TENM1: variants seen among roughly 807,000 people sequenced by gnomAD.
TENM1 encodes the protein teneurin transmembrane protein 1, also known as teneurin-1.
In TENM1, 35 loss-of-function variants were observed where a neutral mutation model predicts 174.8. That is an observed-to-expected ratio of 0.20 (90% confidence interval 0.15 to 0.27). The LOEUF is 0.27. Ranked by LOEUF, TENM1 falls within the 10% of genes least tolerant of loss-of-function variation. TENM1 has a pLI of 1.00. For synonymous variants in TENM1, 781 were observed against 798.7 expected, an observed-to-expected ratio of 0.98 and a Z score of 0.37; for missense variants, 1,633 against 2,130.1, an observed-to-expected ratio of 0.77 and a Z score of 4.59.
At chrX:124,423,253 C>T (rs1289547272) in intron 23 of TENM1, among the ~76,000 whole-genome samples, 3 of 112,187 alleles carry the variant, frequency 2.7e-5, no homozygotes, top group Non-Finnish European at 5.6e-5. Context: ...AGGTACAGTT[C>T]GTCAGCTGTT....
intron 3 of TENM1, among the ~76,000 whole-genome samples, chrX:124,829,279 T>C (rs764253543): frequency 1.8e-5 from 2 of 112,501 alleles, no homozygotes; most frequent in South Asian, 7.3e-4. Context: ...GGAAATGGTT[T>C]TCTGCAAGAT....
At chrX:124,849,529 T>A (rs746069699) in intron 3 of TENM1, among the ~76,000 whole-genome samples, 22 of 105,621 alleles carry the variant, frequency 2.1e-4, no homozygotes, top group Non-Finnish European at 3.8e-4. Flanking sequence ...TCTCTAGTAG[T>A]TGAGAGTGAC....
intron 3 of TENM1, among the ~76,000 whole-genome samples, chrX:124,809,532 A>C (rs185097797): frequency 3.4e-4 from 38 of 111,802 alleles, no homozygotes; most frequent in African/African-American, 1.2e-3. Context: ...AACTTGTGCA[A>C]ATCAGTTAAA....
At chrX:124,899,271 C>T (rs1457757013) in intron 1 of TENM1, among the ~76,000 whole-genome samples, 1 of 111,719 alleles carries the variant, frequency 9.0e-6, no homozygotes, top group Non-Finnish European at 1.9e-5. Flanking sequence ...GGGCTCACTG[C>T]AGCCCTGACT....
intron 21 of TENM1, among the ~76,000 whole-genome samples, chrX:124,482,653 T>C (rs1305238946): frequency 8.9e-6 from 1 of 112,132 alleles, no homozygotes; most frequent in African/African-American, 3.2e-5. Flanking sequence ...TGTAATCGCA[T>C]AGTTATACCT....
intron 27 of TENM1, among the ~76,000 whole-genome samples, chrX:124,392,770 A>C (rs2147622699): frequency 8.9e-6 from 1 of 112,207 alleles, no homozygotes; most frequent in South Asian, 3.7e-4. Context: ...ATCAGACAAA[A>C]GGAATACAGT....
At chrX:124,670,693 C>A (rs2051898209) in intron 6 of TENM1, among the ~76,000 whole-genome samples, 2 of 111,055 alleles carry the variant, frequency 1.8e-5, no homozygotes, top group South Asian at 7.6e-4. Context: ...ACAAAACCCA[C>A]AAACAACCCC....
chrX:124,757,734 A>G (rs1381898313), intron 3 of TENM1, among the ~76,000 whole-genome samples: 1 of 112,480 alleles, frequency 8.9e-6, no homozygotes, highest in Non-Finnish European at 1.9e-5. Context: ...AATTCGAGGG[A>G]TACTAGAGAG....
the TENM1 span, among the ~76,000 whole-genome samples, chrX:125,139,217 A>G: frequency 8.9e-6 from 1 of 111,755 alleles, no homozygotes; most frequent in Non-Finnish European, 1.9e-5. Flanking sequence ...GCAGATTGTA[A>G]TAAGTAAAAT....
chrX:124,894,327 A>G, exon 3 of TENM1: 2 of 1,201,517 alleles, frequency 1.7e-6, no homozygotes, highest in Non-Finnish European at 2.2e-6. Flanking sequence ...CCTCCATGTC[A>G]CAACAAACAG....
intron 4 of TENM1, among the ~76,000 whole-genome samples, chrX:124,722,933 T>A (rs1218533575): frequency 9.0e-6 from 1 of 110,624 alleles, no homozygotes; most frequent in Non-Finnish European, 1.9e-5. Context: ...TGGGATCATG[T>A]TGTTTTCTTC....
At chrX:125,204,103 CTA>C in the TENM1 span, 1 of 113,222 alleles carries the variant, frequency 8.8e-6, no homozygotes, top group East Asian at 2.8e-4. Context: ...GCCCAGGGTC[CTA>C]TGTGTGTGCG....
chrX:125,159,579 T>C, the TENM1 span, among the ~76,000 whole-genome samples: 1 of 112,382 alleles, frequency 8.9e-6, no homozygotes, highest in Non-Finnish European at 1.9e-5. Flanking sequence ...TATGCTTGCC[T>C]ATTATGCTGA....
At chrX:125,068,411 G>A in the TENM1 span, among the ~76,000 whole-genome samples, 9 of 111,718 alleles carry the variant, frequency 8.1e-5, no homozygotes, top group Non-Finnish European at 1.3e-4. Flanking sequence ...AAACGTCATC[G>A]CACTCCAGAA....
intron 3 of TENM1, among the ~76,000 whole-genome samples, chrX:124,872,867 A>T (rs2057135306): frequency 9.0e-6 from 1 of 111,611 alleles, no homozygotes; most frequent in East Asian, 2.8e-4. Context: ...TCCCCTCTAT[A>T]CATGGGGCTG....
chrX:124,841,403 T>G (rs553821307), intron 3 of TENM1, among the ~76,000 whole-genome samples: 2 of 111,517 alleles, frequency 1.8e-5, no homozygotes, highest in Non-Finnish European at 3.8e-5. Flanking sequence ...CAAGGACTCC[T>G]GCAAAGGCAA....
chrX:124,928,287 C>T (rs2058119282), intron 1 of TENM1, among the ~76,000 whole-genome samples: 1 of 112,125 alleles, frequency 8.9e-6, no homozygotes, highest in Non-Finnish European at 1.9e-5. Context: ...ATTTTTACCT[C>T]TTACTTACAC....
chrX:124,932,392 A>C (rs1382982296), intron 1 of TENM1, among the ~76,000 whole-genome samples: 1 of 112,400 alleles, frequency 8.9e-6, no homozygotes, highest in African/African-American at 3.2e-5. Flanking sequence ...TAGGTATTGC[A>C]AGGAATTCAA....
At chrX:124,812,920 T>G (rs917298901) in intron 3 of TENM1, among the ~76,000 whole-genome samples, 13 of 110,782 alleles carry the variant, frequency 1.2e-4, no homozygotes, top group African/African-American at 4.2e-4. Flanking sequence ...TTAACAGGTA[T>G]AGCTTGCTTT....
Sources: allele counts gnomAD v4.1 joint callset (sites outside exome capture counted in the v4.1 genomes callset), GRCh38; gene constraint gnomAD v4.1.1; transcripts MANE v1.5; gene names NCBI Gene and HGNC (gene_info 2026-07-23, HGNC 2026-07-21).